Variants in IFT122 observed in about 807,000 individuals in gnomAD.
IFT122 encodes intraflagellar transport protein 122 homolog.
Under a neutral mutation model 161.6 loss-of-function variants are expected in IFT122, and 118 were observed. That is an observed-to-expected ratio of 0.73 (90% CI 0.63 to 0.85). The LOEUF is 0.85. Ranked by LOEUF, IFT122 falls within the 40% of genes least tolerant of loss-of-function variation. The pLI is 0.00. For missense variants in IFT122, 1,381 were observed against 1,579.6 expected (o/e 0.87, Z 2.13); for synonymous variants, 550 against 602.4 (o/e 0.91, Z 1.27).
At chr3:129,493,695 C>A (rs868210472) in intron 17 of IFT122, among the ~76,000 whole-genome samples, 1 of 152,210 alleles carries the variant, frequency 6.6e-6, no homozygotes, top group Non-Finnish European at 1.5e-5. Flanking sequence ...AGGGCTTGTT[C>A]GGAGCTATTG....
intron 9 of IFT122, 32 bp from the exon 10 acceptor site, chr3:129,476,282 GT>G: frequency 6.2e-7 from 1 of 1,612,660 alleles, no homozygotes; most frequent in Non-Finnish European, 8.5e-7. Flanking sequence ...TTCGGAAATG[GT>G]TTTTCCCTTG....
In IFT122 at chr3:129,492,184, G is replaced by C. The variant is rs1411987593; in HGVS notation, c.2036G>C (p.Ser679Thr). Residue 679 changes from serine (S) to threonine (T), a missense_variant, in exon 17 of 30, where the codon AGC becomes ACC. This residue lies in a region of IFT122 where 496 missense variants were observed against 502.5 expected (regional missense o/e 0.99). Coordinates refer to ENST00000348417, the MANE Select transcript of IFT122 (RefSeq NM_052989.3). The stretch of plus-strand genomic sequence containing the variant: ...GACCTCCGATATTTAGAGCTCATCA[G>C]CAGCATTGAGGTAAAAGATGAAGCA... ...VQDLRYLELI[S>T]SIEERKKRGE... 16 of 1,612,622 alleles carry C rather than the reference G, an allele frequency of 9.9e-6. No individual in the cohort carries two copies. The highest frequency in any genetic ancestry group is 1.4e-5 in the Non-Finnish European group (16 of 1,178,680).
chr3:129,461,935 A>G (rs2076252435), intron 5 of IFT122, among the ~76,000 whole-genome samples: 4 of 152,158 alleles, frequency 2.6e-5, no homozygotes. Flanking sequence ...GGTTATTTCC[A>G]TTAATGGTTG....
At chr3:129,455,291 G>T (rs574268503) in intron 3 of IFT122, among the ~76,000 whole-genome samples, 2 of 151,982 alleles carry the variant, frequency 1.3e-5, no homozygotes, top group East Asian at 3.9e-4. Context: ...TCCTGCCTCA[G>T]CCTCCTGAGT....
intron 15 of IFT122, among the ~76,000 whole-genome samples, chr3:129,485,449 C>A: frequency 6.6e-6 from 1 of 152,170 alleles, no homozygotes; most frequent in East Asian, 1.9e-4. Context: ...GAATTCAGAT[C>A]TGAGGAAAAA....
chr3:129,455,533 G>T (rs1362781664), intron 3 of IFT122, among the ~76,000 whole-genome samples: 3 of 151,936 alleles, frequency 2.0e-5, no homozygotes, highest in Non-Finnish European at 4.4e-5. Context: ...TAGTTTTTTT[G>T]TTCAAGAAAA....
intron 3 of IFT122, among the ~76,000 whole-genome samples, chr3:129,452,438 T>G (rs2074964288): frequency 6.6e-6 from 1 of 151,866 alleles, no homozygotes; most frequent in Non-Finnish European, 1.5e-5. Flanking sequence ...TTGGGTACAG[T>G]ATTGAATTAG....
chr3:129,468,919 T>A (rs1170344009), intron 8 of IFT122, among the ~76,000 whole-genome samples: 1 of 152,256 alleles, frequency 6.6e-6, no homozygotes, highest in Non-Finnish European at 1.5e-5. Flanking sequence ...CAAGTTTCCC[T>A]TCTATTAAAA....
chr3:129,453,402 T>C lies in IFT122; in HGVS notation c.193+1404T>C, dbSNP rs183772767. Among the ~76,000 whole-genome samples the C allele has an allele frequency of 6.0e-3, 906 of 152,202 alleles. 7 individuals carry two copies. Among genetic ancestry groups the C allele is most frequent in the South Asian group, 0.026 (127 of 4,810 alleles). ...AGTGTAAAGTCACTGCCTCAGAGAA[T>C]GGGACAGCGAGTGGACCCAGGAGGT... On this transcript the variant is annotated intron_variant, in intron 3 of 29. Coordinates refer to ENST00000348417, the MANE Select transcript of IFT122 (RefSeq NM_052989.3).
At chr3:129,496,825 A>C (rs112283617) in intron 18 of IFT122, among the ~76,000 whole-genome samples, 13,982 of 152,138 alleles carry the variant, frequency 0.092, 720 homozygotes, top group South Asian at 0.14. Context: ...AGATTTCATA[A>C]CACATTCATA....
intron 18 of IFT122, among the ~76,000 whole-genome samples, chr3:129,499,381 T>C (rs1470197430): frequency 6.6e-6 from 1 of 152,022 alleles, no homozygotes; most frequent in Non-Finnish European, 1.5e-5. Flanking sequence ...TCATTTTGTT[T>C]GTGTAAGTTT....
intron 15 of IFT122, chr3:129,487,997 A>G (rs2079518364): frequency 1.8e-6 from 1 of 547,960 alleles, no homozygotes. Context: ...ATGGCGAGGC[A>G]GGCCTGTAGG....
chr3:129,519,007 G>A, intron 27 of IFT122, 100 bp from the exon 28 acceptor site: 1 of 1,008,812 alleles, frequency 9.9e-7, no homozygotes, highest in African/African-American at 1.6e-5. Flanking sequence ...CTCTTCCACT[G>A]GTCTGGCTGC....
chr3:129,450,008 A>AC, intron 2 of IFT122, 71 bp downstream of exon 2: 12 of 899,082 alleles, frequency 1.3e-5, no homozygotes, highest in East Asian at 7.6e-5. Flanking sequence ...CTGAAATTTG[A>AC]CCCTTTTTTT....
chr3:129,519,059 C>A, intron 27 of IFT122, 48 bp from the exon 28 acceptor site: 1 of 1,494,184 alleles, frequency 6.7e-7, no homozygotes, highest in Non-Finnish European at 9.3e-7. Context: ...AGGCTAGGGT[C>A]TGTCTCCATC....
chr3:129,460,230 C>T (rs956598783), intron 4 of IFT122, among the ~76,000 whole-genome samples: 1 of 152,164 alleles, frequency 6.6e-6, no homozygotes, highest in Admixed American at 6.6e-5. Context: ...TCTCCTACCC[C>T]CAGCCCCTGA....
chr3:129,478,296 G>A (rs1359284162), intron 12 of IFT122, 78 bp downstream of exon 12: 1 of 1,257,296 alleles, frequency 8.0e-7, no homozygotes, highest in African/African-American at 1.5e-5. Flanking sequence ...CCCACCTCAT[G>A]GTTTTAAAAC....
intron 4 of IFT122, among the ~76,000 whole-genome samples, chr3:129,459,002 G>A (rs748099324): frequency 6.6e-6 from 1 of 152,152 alleles, no homozygotes. Flanking sequence ...TATCCACCCA[G>A]TGTCAAATGT....
chr3:129,483,464 C>G (rs1413112284), intron 14 of IFT122, 21 bp from the exon 15 acceptor site: 1 of 1,609,682 alleles, frequency 6.2e-7, no homozygotes, highest in South Asian at 1.1e-5. Context: ...TCACAGGATC[C>G]CCACTGTCCC....
Sources: gnomAD v4.1 joint callset for allele counts (sites outside exome capture counted in the v4.1 genomes callset) on GRCh38, gnomAD v4.1.1 for gene constraint, gnomAD v4.1.1 regional missense constraint, MANE v1.5 for transcripts, NCBI Gene and HGNC (gene_info 2026-07-23, HGNC 2026-07-21) for gene names.